LINGO2: variants seen among roughly 807,000 people sequenced by gnomAD.
LINGO2 encodes the protein leucine-rich repeat and immunoglobulin-like domain-containing nogo receptor-interacting protein 2.
LINGO2 carries 14 observed loss-of-function variants against 30.6 expected under a neutral mutation model. That is an observed-to-expected ratio of 0.46 (90% confidence interval 0.30 to 0.72). The LOEUF is 0.72. LINGO2 is among the 30% of genes least tolerant of loss of function. The pLI is 0.07. For synonymous variants in LINGO2, 317 were observed against 288.5 expected (o/e 1.10, Z -1.00); for missense variants, 729 against 751.7 (o/e 0.97, Z 0.35).
intron 1 of LINGO2, among the ~76,000 whole-genome samples, chr9:28,524,288 G>T (rs1461799776): frequency 6.6e-6 from 1 of 152,056 alleles, no homozygotes. Context: ...ATGAATAATA[G>T]AATTAAATGA....
chr9:28,851,722 T>C, the LINGO2 span, among the ~76,000 whole-genome samples: 1 of 151,948 alleles, frequency 6.6e-6, no homozygotes, highest in East Asian at 1.9e-4. Flanking sequence ...AGCATTCCCT[T>C]TGAGATAGGT....
intron 4 of LINGO2, among the ~76,000 whole-genome samples, chr9:28,031,031 ACTTTCC>A (rs1823642898): frequency 2.0e-5 from 3 of 152,170 alleles, no homozygotes; most frequent in South Asian, 2.1e-4. Flanking sequence ...TCAATCTTAT[ACTTTCC>A]CAATTCTAAT....
In LINGO2 at chr9:28,577,432, A is replaced by G. The variant is rs1824044462; in HGVS notation, c.-365+92768T>C. Among the ~76,000 whole-genome samples the G allele has an allele frequency of 3.3e-5, 5 of 151,868 alleles. No individual in the cohort carries two copies. In the South Asian group the frequency reaches 1.0e-3, roughly 32 times the overall value. On this transcript the variant is annotated intron_variant, in intron 1 of 5. Transcript: ENST00000379992. ...TCAGCCCACGAGTACCATTTTCCACACCCTTATGATTGCATTCCCCAACCA... is the reference window on the plus strand; with the variant it reads ...TCAGCCCACGAGTACCATTTTCCACGCCCTTATGATTGCATTCCCCAACCA...
chr9:28,928,418 T>TA, the LINGO2 span, among the ~76,000 whole-genome samples: 286 of 152,310 alleles, frequency 1.9e-3, 1 homozygote, highest in African/African-American at 6.5e-3. Context: ...ACTCAGTCGT[T>TA]ACGATAGTTG....
the LINGO2 span, among the ~76,000 whole-genome samples, chr9:28,703,523 A>C: frequency 6.6e-6 from 1 of 151,952 alleles, no homozygotes; most frequent in Admixed American, 6.6e-5. Flanking sequence ...AATCTGGACT[A>C]TCTTGGTGAA....
intron 4 of LINGO2, among the ~76,000 whole-genome samples, chr9:28,040,376 G>A (rs1172669132): frequency 6.7e-6 from 1 of 149,712 alleles, no homozygotes; most frequent in Non-Finnish European, 1.5e-5. Flanking sequence ...ATGGTCCAAT[G>A]TAACTTCCTT....
intron 4 of LINGO2, among the ~76,000 whole-genome samples, chr9:28,033,030 G>A (rs1331971312): frequency 6.6e-6 from 1 of 152,150 alleles, no homozygotes; most frequent in East Asian, 1.9e-4. Flanking sequence ...AAATGTTCTA[G>A]AATACTAGAA....
intron 4 of LINGO2, among the ~76,000 whole-genome samples, chr9:28,269,222 C>T (rs1822857315): frequency 6.6e-6 from 1 of 152,006 alleles, no homozygotes. Flanking sequence ...TACACATCTG[C>T]CTCTTGATTT....
the LINGO2 span, among the ~76,000 whole-genome samples, chr9:28,981,530 A>C: frequency 5.9e-5 from 9 of 152,088 alleles, no homozygotes. Flanking sequence ...TTTCAAATGA[A>C]GGCACCAAGC....
intron 1 of LINGO2, among the ~76,000 whole-genome samples, chr9:28,548,970 G>T (rs1822114610): frequency 6.6e-6 from 1 of 151,898 alleles, no homozygotes; most frequent in South Asian, 2.1e-4. Context: ...ACAAATGTCT[G>T]CTTTCACTGT....
At chr9:29,032,488 A>G in the LINGO2 span, among the ~76,000 whole-genome samples, 1 of 152,198 alleles carries the variant, frequency 6.6e-6, no homozygotes, top group African/African-American at 2.4e-5. Flanking sequence ...TGTCTTCATG[A>G]AACTTTTGAG....
the LINGO2 span, among the ~76,000 whole-genome samples, chr9:28,967,001 T>C: frequency 6.6e-6 from 1 of 152,110 alleles, no homozygotes; most frequent in African/African-American, 2.4e-5. Context: ...TCATAATTAC[T>C]CTTCAAGATT....
At chr9:28,484,317 G>C (rs1394294076) in intron 1 of LINGO2, among the ~76,000 whole-genome samples, 3 of 152,048 alleles carry the variant, frequency 2.0e-5, no homozygotes, top group Non-Finnish European at 4.4e-5. Context: ...TGAAACAGCA[G>C]CTCCAACTGT....
At chr9:29,150,718 T>A in the LINGO2 span, among the ~76,000 whole-genome samples, 1 of 152,078 alleles carries the variant, frequency 6.6e-6, no homozygotes, top group South Asian at 2.1e-4. Flanking sequence ...TTTTTTTGAT[T>A]TAACGAACAA....
chr9:28,970,275 G>A, the LINGO2 span, among the ~76,000 whole-genome samples: 2 of 152,164 alleles, frequency 1.3e-5, no homozygotes, highest in Non-Finnish European at 2.9e-5. Flanking sequence ...CTGCTTTTAG[G>A]AAAAGGAAGA....
intron 4 of LINGO2, among the ~76,000 whole-genome samples, chr9:28,065,524 A>T (rs113635388): frequency 6.6e-6 from 1 of 152,242 alleles, no homozygotes; most frequent in Non-Finnish European, 1.5e-5. Flanking sequence ...CCTTTTTATT[A>T]CTTTAAAAGT....
chr9:28,476,195 A>AT (rs1240698692), intron 1 of LINGO2, among the ~76,000 whole-genome samples, 170 bp from the exon 4 acceptor site: 1 of 152,240 alleles, frequency 6.6e-6, no homozygotes, highest in African/African-American at 2.4e-5. Context: ...GTGGTTTTCC[A>AT]TTTTGAAGTT....
At chr9:28,459,978 G>A (rs570337614) in intron 2 of LINGO2, among the ~76,000 whole-genome samples, 1 of 152,156 alleles carries the variant, frequency 6.6e-6, no homozygotes, top group Non-Finnish European at 1.5e-5. Context: ...ACACATTCAT[G>A]TTTTTTCATA....
chr9:29,149,650 C>T, the LINGO2 span, among the ~76,000 whole-genome samples: 1 of 152,018 alleles, frequency 6.6e-6, no homozygotes, highest in Non-Finnish European at 1.5e-5. Flanking sequence ...CCTTACGGGC[C>T]TCCAGGATCC....
Sources: allele counts gnomAD v4.1 joint callset (sites outside exome capture counted in the v4.1 genomes callset), GRCh38; gene constraint gnomAD v4.1.1; transcripts MANE v1.5; gene names NCBI Gene and HGNC (gene_info 2026-07-23, HGNC 2026-07-21).